Variants in PLCB4 observed in about 807,000 individuals in gnomAD.
The protein encoded by PLCB4 is 1-phosphatidylinositol 4,5-bisphosphate phosphodiesterase beta-4.
In PLCB4, 77 loss-of-function variants were observed where a neutral mutation model predicts 178.8. That is an observed-to-expected ratio of 0.43 (90% CI 0.36 to 0.52). The LOEUF (loss-of-function observed/expected upper bound fraction) is 0.52. Ranked by LOEUF, PLCB4 falls within the 20% of genes least tolerant of loss-of-function variation. The pLI is 0.00. For synonymous variants in PLCB4, 496 were observed against 490.8 expected (o/e 1.01, Z -0.14); for missense variants, 1,024 against 1,453.4 (o/e 0.70, Z 4.80).
Position 9,222,588 on chromosome 20 carries a change from A to G in PLCB4, c.-16+5136A>G, listed in dbSNP as rs145766928. ...ACTGGAGGCTGGAATGTCCAAAATCACAGGTGAAATTAATTTTAGTTACAT... is the reference window on the plus strand; with the variant it reads ...ACTGGAGGCTGGAATGTCCAAAATCGCAGGTGAAATTAATTTTAGTTACAT... On this transcript the variant is annotated intron_variant, in intron 3 of 39. Transcript: ENST00000378473. 1.4e-3 allele frequency among the ~76,000 whole-genome samples: 220 copies of G among 152,382 alleles called. 1 individual carries two copies. The highest frequency in any genetic ancestry group is 5.0e-3 in the African/African-American group (207 of 41,596).
At chr20:9,378,769 T>A (rs2036894014) in intron 12 of PLCB4, among the ~76,000 whole-genome samples, 1 of 152,082 alleles carries the variant, frequency 6.6e-6, no homozygotes, top group South Asian at 2.1e-4. Context: ...TCCTTATGAG[T>A]TAATGCTCTT....
In PLCB4 at chr20:9,256,472, C is replaced by T. The variant is rs559737602; in HGVS notation, c.-16+39020C>T. 3.3e-5 allele frequency among the ~76,000 whole-genome samples: 5 copies of T among 152,300 alleles called. No homozygotes were observed. The South Asian group carries it at 6.2e-4, about 19-fold the overall frequency. ...CTGCAAATCTCGACATTCCTCTTGTCGGCTAAACAAGGTTACAAGGCTACT... is the reference window on the plus strand; with the variant it reads ...CTGCAAATCTCGACATTCCTCTTGTTGGCTAAACAAGGTTACAAGGCTACT... On this transcript the variant is annotated intron_variant, in intron 3 of 39. Transcript: ENST00000378473.
At chr20:9,229,529 C>T (rs2093908439) in intron 3 of PLCB4, among the ~76,000 whole-genome samples, 1 of 151,994 alleles carries the variant, frequency 6.6e-6, no homozygotes, top group Admixed American at 6.6e-5. Context: ...AAATACCAAA[C>T]TGTCAACAGG....
chr20:9,329,109 C>T (rs987444251), intron 4 of PLCB4, among the ~76,000 whole-genome samples: 2 of 152,178 alleles, frequency 1.3e-5, no homozygotes, highest in African/African-American at 4.8e-5. Flanking sequence ...CCTTATTGTA[C>T]ACGTGGTGAC....
At position 9,290,599 on chromosome 20, in the gene PLCB4, T is replaced by A. The variant is rs554631452; in HGVS notation, c.-15-17201T>A. ...TGACCTTACAAGAATTGGACAAGGA[T>A]TTGGCATCTTGAAAGTGTGCTTTGA... On this transcript the variant is annotated intron_variant, in intron 3 of 39. Coordinates refer to ENST00000378473, the MANE Select transcript of PLCB4 (RefSeq NM_001377142.1). 5.3e-5 allele frequency among the ~76,000 whole-genome samples: 8 copies of A among 152,266 alleles called. No homozygotes were observed. The South Asian group carries it at 1.7e-3, about 32-fold the overall frequency.
intron 12 of PLCB4, among the ~76,000 whole-genome samples, chr20:9,378,000 G>A (rs549736064): frequency 1.1e-4 from 16 of 152,264 alleles, no homozygotes; most frequent in African/African-American, 3.9e-4. Context: ...CTGAGAAGCT[G>A]CATTTCTAGC....
chr20:9,387,076 T>C (rs970439230), intron 14 of PLCB4, among the ~76,000 whole-genome samples: 2 of 151,674 alleles, frequency 1.3e-5, no homozygotes, highest in African/African-American at 2.4e-5. Flanking sequence ...TTTGTATTTT[T>C]AGTAGAGATG....
At chr20:9,433,809 C>T (rs964570303) in intron 28 of PLCB4, among the ~76,000 whole-genome samples, 5 of 152,066 alleles carry the variant, frequency 3.3e-5, no homozygotes, top group African/African-American at 7.2e-5. Flanking sequence ...AATTTTTCCA[C>T]AGCTGTTGTT....
chr20:9,308,574 G>T, intron 4 of PLCB4, among the ~76,000 whole-genome samples: 1 of 152,178 alleles, frequency 6.6e-6, no homozygotes, highest in East Asian at 1.9e-4. Flanking sequence ...CCTTTACCAA[G>T]AAGTTGAAAG....
intron 3 of PLCB4, among the ~76,000 whole-genome samples, chr20:9,280,695 T>C (rs1203952767): frequency 6.6e-6 from 1 of 151,946 alleles, no homozygotes; most frequent in Non-Finnish European, 1.5e-5. Flanking sequence ...GGTCGCGTCT[T>C]TTCTTTGTGA....
chr20:9,120,427 C>T (rs554882478), intron 2 of PLCB4, among the ~76,000 whole-genome samples: 7 of 149,386 alleles, frequency 4.7e-5, no homozygotes, highest in South Asian at 2.2e-4. Flanking sequence ...CGTACCCAGC[C>T]GACCTGCTCC....
chr20:9,257,309 A>C (rs775949571), intron 3 of PLCB4, among the ~76,000 whole-genome samples: 15 of 152,236 alleles, frequency 9.9e-5, no homozygotes, highest in Non-Finnish European at 1.5e-4. Context: ...AAAATGACAC[A>C]AGTGAGAATA....
intron 2 of PLCB4, among the ~76,000 whole-genome samples, chr20:9,214,976 T>C (rs907817093): frequency 7.2e-5 from 11 of 152,206 alleles, no homozygotes; most frequent in Non-Finnish European, 1.5e-5. Context: ...TCTAAGTCTT[T>C]GATTACGAAA....
chr20:9,131,980 C>T (rs6039394), intron 2 of PLCB4, among the ~76,000 whole-genome samples: 1 of 152,126 alleles, frequency 6.6e-6, no homozygotes. Flanking sequence ...CATGTTCCAG[C>T]CCCAGTCAAA....
chr20:9,112,781 T>C (rs1482690612), intron 2 of PLCB4, among the ~76,000 whole-genome samples: 2 of 152,164 alleles, frequency 1.3e-5, no homozygotes, highest in East Asian at 3.9e-4. Context: ...TAATGTGTAC[T>C]TTTGGCCTGG....
At chr20:9,112,154 T>C (rs1217547047) in intron 2 of PLCB4, among the ~76,000 whole-genome samples, 1 of 152,170 alleles carries the variant, frequency 6.6e-6, no homozygotes. Context: ...TATTATGTAG[T>C]TGGAAGTGTT....
chr20:9,072,016 G>A (rs2089599129), intron 1 of PLCB4, among the ~76,000 whole-genome samples: 1 of 152,206 alleles, frequency 6.6e-6, no homozygotes, highest in Non-Finnish European at 1.5e-5. Context: ...AATGATCACA[G>A]TTGGTATTTT....
At chr20:9,154,735 C>T (rs2092751366) in intron 2 of PLCB4, among the ~76,000 whole-genome samples, 2 of 151,218 alleles carry the variant, frequency 1.3e-5, no homozygotes, top group African/African-American at 2.4e-5. Flanking sequence ...CCTCTCCCTC[C>T]CTCCCTCCTT....
At chr20:9,289,010 C>A (rs2094558342) in intron 3 of PLCB4, among the ~76,000 whole-genome samples, 1 of 151,938 alleles carries the variant, frequency 6.6e-6, no homozygotes, top group Admixed American at 6.6e-5. Flanking sequence ...AACTTCAGGG[C>A]ACAATAATTA....
Sources: allele counts gnomAD v4.1 joint callset (sites outside exome capture counted in the v4.1 genomes callset), GRCh38; gene constraint gnomAD v4.1.1; transcripts MANE v1.5; gene names NCBI Gene and HGNC (gene_info 2026-07-23, HGNC 2026-07-21).